TECTA: variants seen among roughly 807,000 people sequenced by gnomAD.
The protein encoded by TECTA is alpha-tectorin.
A neutral mutation model predicts 216.8 loss-of-function variants in TECTA; 128 were observed. That is an observed-to-expected ratio of 0.59 (90% CI 0.51 to 0.68). The LOEUF is 0.68. TECTA is among the 30% of genes least tolerant of loss of function. The pLI is 0.00. For synonymous variants in TECTA, 1,089 were observed against 1,117.1 expected (o/e 0.97, Z 0.50); for missense variants, 2,551 against 2,786.2 (o/e 0.92, Z 1.90).
At position 121,127,435 on chromosome 11, in the gene TECTA, G is replaced by A. The variant is rs1045803678; in HGVS notation, c.1775-317G>A. Among the ~76,000 whole-genome samples the A allele has an allele frequency of 4.6e-5, 7 of 152,082 alleles. No homozygotes were observed. The highest frequency in any genetic ancestry group is 2.1e-4 in the South Asian group (1 of 4,816). On this transcript the variant is annotated intron_variant, in intron 8 of 23. Coordinates refer to ENST00000392793, the MANE Select transcript of TECTA (RefSeq NM_005422.4). The surrounding 1 kb of genome is among the most constrained non-coding windows in gnomAD (Gnocchi z 5.0). ...TCAGTGGAAGGTCTTAAAATATCTC[G>A]GTAGTGTGGATCATCAAATAATAAA...
intron 13 of TECTA, among the ~76,000 whole-genome samples, chr11:121,155,294 G>A (rs182767357): frequency 1.2e-4 from 19 of 152,226 alleles, no homozygotes; most frequent in Admixed American, 7.8e-4. Flanking sequence ...ACCCTTTATC[G>A]TATCCACATA....
At chr11:121,118,992 G>GGC (rs1180667299) in intron 7 of TECTA, among the ~76,000 whole-genome samples, 4 of 112,684 alleles carry the variant, frequency 3.5e-5, no homozygotes, top group African/African-American at 1.1e-4. Flanking sequence ...AACACTGATA[G>GGC]GCACACACAC....
At chr11:121,112,109 ACT>A (rs1946447403) in intron 4 of TECTA, among the ~76,000 whole-genome samples, 1 of 152,164 alleles carries the variant, frequency 6.6e-6, no homozygotes, top group Non-Finnish European at 1.5e-5. Flanking sequence ...TCTCCTTTTA[ACT>A]CTATTTCTAT....
chr11:121,146,215 G>A (rs1946837767), intron 12 of TECTA, 99 bp downstream of exon 12: 1 of 1,427,928 alleles, frequency 7.0e-7, no homozygotes, highest in South Asian at 1.2e-5. Context: ...AGCAAATTGA[G>A]TAGCAATTTA....
intron 7 of TECTA, among the ~76,000 whole-genome samples, chr11:121,120,313 A>G (rs1384984968): frequency 6.6e-6 from 1 of 152,194 alleles, no homozygotes. Flanking sequence ...TAAATGTTTC[A>G]GAAAGAAAAG....
intron 7 of TECTA, among the ~76,000 whole-genome samples, chr11:121,123,017 TGCCA>T (rs1946574358): frequency 6.6e-6 from 1 of 152,226 alleles, no homozygotes; most frequent in Non-Finnish European, 1.5e-5. Flanking sequence ...ATGTGGCGCC[TGCCA>T]CGGTAAATTT....
At chr11:121,143,880 G>T (rs1240609576) in intron 11 of TECTA, among the ~76,000 whole-genome samples, 1 of 152,194 alleles carries the variant, frequency 6.6e-6, no homozygotes, top group Non-Finnish European at 1.5e-5. Context: ...TTTAGCCTGG[G>T]CTACTGGGAG....
intron 11 of TECTA, among the ~76,000 whole-genome samples, chr11:121,142,683 A>G (rs181534527): frequency 2.2e-4 from 33 of 152,250 alleles, no homozygotes; most frequent in Admixed American, 1.2e-3. Context: ...CTTTCAGGAC[A>G]GATCAGAGTC....
At chr11:121,186,620 A>G (rs568988843) in intron 20 of TECTA, among the ~76,000 whole-genome samples, 1 of 152,354 alleles carries the variant, frequency 6.6e-6, no homozygotes, top group African/African-American at 2.4e-5. Context: ...AAGGAAAAGT[A>G]TGGCATGTAA....
chr11:121,153,670 C>T (rs572437433), intron 13 of TECTA, among the ~76,000 whole-genome samples: 2 of 152,152 alleles, frequency 1.3e-5, no homozygotes, highest in East Asian at 1.9e-4. Context: ...CCACCCTCTG[C>T]GGCGCCCTCT....
At position 121,125,535 on chromosome 11, in the gene TECTA, G is replaced by A. The variant is rs140634094; in HGVS notation, c.1437G>A (p.Pro479=). The A allele has an allele frequency of 4.6e-5, 74 of 1,614,060 alleles. No homozygotes were observed. In the Admixed American group the frequency reaches 5.0e-4, roughly 11 times the overall value. Residue 479 remains proline (P), a synonymous_variant, in exon 8 of 24, where the codon CCG becomes CCA. Coordinates refer to ENST00000392793, the MANE Select transcript of TECTA (RefSeq NM_005422.4). ...ACTTCCTCCGCCCGGATGGCAGGCC[G>A]GCCATGTCTGTCCTGGATCTGGGAG... is the stretch of plus-strand genomic sequence containing the variant. ...LDDFLRPDGR[P]AMSVLDLGES...
intron 9 of TECTA, among the ~76,000 whole-genome samples, chr11:121,129,241 G>C (rs1946647038): frequency 6.6e-6 from 1 of 152,162 alleles, no homozygotes; most frequent in Non-Finnish European, 1.5e-5. Context: ...CGAGGAGCTG[G>C]GACACAGAAA....
At position 121,165,326 on chromosome 11, in the gene TECTA, G is replaced by C. The variant is rs1418011992; in HGVS notation, c.5326G>C (p.Glu1776Gln). ...GGCGGACTGTCCCAACCGAACTTGC[G>C]AGCTGGGCAATGGCAGGGAGCTGTG... ...VGADCPNRTC[E>Q]LGNGRELCGC... The change falls in exon 17 of 24, where the codon GAG becomes CAG. Residue 1776 changes from glutamate (E) to glutamine (Q), a missense_variant. Physicochemically the swap from Glu to Gln is conservative, Grantham distance 29. Around this residue, in one of 3 missense-constraint regions of TECTA, gnomAD observed 2,375 missense variants for 2,563.9 expected, o/e 0.93. Coordinates refer to ENST00000392793, the MANE Select transcript of TECTA (RefSeq NM_005422.4). 6.2e-7 allele frequency: 1 copy of C among 1,608,744 alleles called. No individual in the cohort carries two copies. The highest frequency in any genetic ancestry group is 8.5e-7 in the Non-Finnish European group (1 of 1,177,764).
At chr11:121,148,245 A>G (rs22298) in intron 12 of TECTA, among the ~76,000 whole-genome samples, 70,611 of 151,946 alleles carry the variant, frequency 0.46, 19,387 homozygotes, top group African/African-American at 0.77. Flanking sequence ...GTTCCAGGCC[A>G]ATACGCCAGG....
chr11:121,159,156 C>G (rs990467258), intron 14 of TECTA, among the ~76,000 whole-genome samples: 1 of 152,190 alleles, frequency 6.6e-6, no homozygotes, highest in African/African-American at 2.4e-5. Flanking sequence ...CATCAAATAG[C>G]GTATCCAGCA....
Position 121,138,017 on chromosome 11 carries a change from G to A in TECTA, c.3538G>A (p.Val1180Met). 1.2e-6 allele frequency: 2 copies of A among 1,613,946 alleles called. No individual in the cohort carries two copies. Among genetic ancestry groups the A allele is most frequent in the Non-Finnish European group, 1.7e-6 (2 of 1,179,836 alleles). The stretch of plus-strand genomic sequence containing the variant: ...GATCCACCGAGCTTACAAGCACACT[G>A]TGCTGGTGAGTAGTCATGAGGTCCC... ...IVIHRAYKHT[V>M]LVNSERLYLP... The change falls in exon 11 of 24, where the codon GTG becomes ATG. Residue 1180 changes from valine (V) to methionine (M), a missense_variant. Val to Met is a conservative substitution (Grantham distance 21). Around this residue, in one of 3 missense-constraint regions of TECTA, gnomAD observed 2,375 missense variants for 2,563.9 expected, o/e 0.93. Coordinates refer to ENST00000392793, the MANE Select transcript of TECTA (RefSeq NM_005422.4).
rs145413004 is a variant in TECTA at position 121,129,836 on chromosome 11, G to A, written c.2566G>A (p.Ala856Thr). 16 of 1,614,046 alleles carry A rather than the reference G, an allele frequency of 9.9e-6. No homozygotes were observed. Among genetic ancestry groups the A allele is most frequent in the South Asian group, 5.5e-5 (5 of 91,084 alleles). Residue 856 changes from alanine (A) to threonine (T), a missense_variant, in exon 10 of 24, where the codon GCC (alanine) becomes ACC (threonine). Ala to Thr is a moderately conservative substitution (Grantham distance 58). This residue lies in a region of TECTA where 2,375 missense variants were observed against 2,563.9 expected (regional missense o/e 0.93). Transcript: ENST00000392793. ...GGLCGFYNAN[A>T]SDEFCLPNGK... ...CTTGTGCGGCTTCTACAATGCCAACGCCAGTGACGAGTTCTGTCTCCCCAA... is the reference window on the plus strand; with the variant it reads ...CTTGTGCGGCTTCTACAATGCCAACACCAGTGACGAGTTCTGTCTCCCCAA...
chr11:121,190,647 C>A, intron 23 of TECTA, 59 bp from the exon 24 acceptor site: 1 of 1,270,858 alleles, frequency 7.9e-7, no homozygotes, highest in Non-Finnish European at 1.1e-6. Flanking sequence ...GATGTCTGAT[C>A]CCTATCAAAC....
intron 4 of TECTA, chr11:121,109,727 T>C (rs776161918): frequency 1.1e-5 from 6 of 560,610 alleles, no homozygotes; most frequent in Non-Finnish European, 1.9e-5. Context: ...TCACAAATCA[T>C]CACTAATGCC....
Sources: allele counts gnomAD v4.1 joint callset (sites outside exome capture counted in the v4.1 genomes callset), GRCh38; gene constraint gnomAD v4.1.1; regional missense constraint gnomAD v4.1.1; non-coding constraint Gnocchi (gnomAD v3.1); transcripts MANE v1.5; gene names NCBI Gene and HGNC (gene_info 2026-07-23, HGNC 2026-07-21).